Variants in JPH1 observed in about 807,000 individuals in gnomAD.
JPH1 encodes junctophilin 1.
A neutral mutation model predicts 53.6 loss-of-function variants in JPH1; 12 were observed. That is an observed-to-expected ratio of 0.22 (90% confidence interval 0.14 to 0.36). JPH1 has a LOEUF of 0.36. Ranked by LOEUF, JPH1 falls within the 10% of genes least tolerant of loss-of-function variation. The pLI is 1.00. For synonymous variants in JPH1, 375 were observed against 363.8 expected, an observed-to-expected ratio of 1.03 and a Z score of -0.35; for missense variants, 808 against 905.5, an observed-to-expected ratio of 0.89 and a Z score of 1.38.
chr8:74,271,254 C>A (rs1367782616), intron 2 of JPH1, among the ~76,000 whole-genome samples: 1 of 151,964 alleles, frequency 6.6e-6, no homozygotes, highest in African/African-American at 2.4e-5. Context: ...ACCAACACCC[C>A]AGGCCCACCC....
intron 1 of JPH1, among the ~76,000 whole-genome samples, chr8:74,318,935 T>C (rs1808237938): frequency 6.6e-6 from 1 of 152,204 alleles, no homozygotes; most frequent in African/African-American, 2.4e-5. Context: ...TCTATTAGCA[T>C]AGAGTAGACA....
chr8:74,320,764 C>T lies in JPH1; in HGVS notation c.379+145G>A. 3.0e-6 allele frequency: 3 copies of T among 998,330 alleles called. No individual in the cohort carries two copies. The highest frequency in any genetic ancestry group is 4.1e-6 in the Non-Finnish European group (3 of 731,632). 61.8% of individuals were successfully genotyped at this position (998,330 alleles called of 1,614,324 possible). ...GCGCCCTCTCTGGGAAAGGCGGGCG[C>T]GGGCGCGGGGGTGGGAGGCGCCCCC... On this transcript the variant is annotated intron_variant, in intron 1 of 5. Coordinates refer to ENST00000342232, the MANE Select transcript of JPH1 (RefSeq NM_020647.4). This position sits in a 1 kb window ranked among gnomAD's most constrained non-coding sequence, Gnocchi z 4.4.
Position 74,236,195 on chromosome 8 carries a change from G to A in JPH1, c.*856C>T, listed in dbSNP as rs1241324456. On this transcript the variant is annotated 3_prime_UTR_variant, in exon 6 of 6. Transcript: ENST00000342232. ...AAATTAGTTCTTAGGAAGGCATAGT[G>A]TCTTCAAATTGCTAAATTTTAAAGA... is the stretch of plus-strand genomic sequence containing the variant. The A allele has an allele frequency of 6.6e-6, 1 of 152,134 alleles. No individual in the cohort carries two copies. Among genetic ancestry groups the A allele is most frequent in the Non-Finnish European group, 1.5e-5 (1 of 68,022 alleles). The allele number at this position is 152,134 out of a possible 1,614,324, so 9.4% of individuals were successfully genotyped here. A position where few individuals can be genotyped will look rare whatever the true frequency, so the allele number is the denominator to read the frequency against.
intron 4 of JPH1, among the ~76,000 whole-genome samples, chr8:74,239,631 A>C (rs1435549478): frequency 1.3e-5 from 2 of 152,206 alleles, no homozygotes; most frequent in African/African-American, 4.8e-5. Context: ...AACTGAGCAC[A>C]GAGATTAAGG....
intron 3 of JPH1, among the ~76,000 whole-genome samples, chr8:74,248,505 A>G (rs1193487383): frequency 6.6e-6 from 1 of 152,198 alleles, no homozygotes; most frequent in Non-Finnish European, 1.5e-5. Flanking sequence ...GGTTATAGGC[A>G]TTTGACACTA....
Position 74,236,983 on chromosome 8 carries a change from G to A in JPH1, c.*68C>T, listed in dbSNP as rs560377820. The A allele has an allele frequency of 1.3e-5, 5 of 393,852 alleles. No individual in the cohort carries two copies. The South Asian group carries it at 1.4e-4, about 11-fold the overall frequency. The allele number at this position is 393,852 out of a possible 1,614,324, so 24.4% of individuals were successfully genotyped here. A position where few individuals can be genotyped will look rare whatever the true frequency, so the allele number is the denominator to read the frequency against. On this transcript the variant is annotated 3_prime_UTR_variant, in exon 6 of 6. Transcript: ENST00000342232. ...GGGGTGGGCCATTTAAAGGGCTGAC[G>A]GCACCACTGCAGAGAACTGTGGGCT...
At chr8:74,269,039 C>G (rs557055191) in intron 2 of JPH1, among the ~76,000 whole-genome samples, 1 of 152,198 alleles carries the variant, frequency 6.6e-6, no homozygotes, top group African/African-American at 2.4e-5. Context: ...TAGAACTCCT[C>G]CTTGAACTCA....
chr8:74,321,405 C>T lies in JPH1; in HGVS notation c.-118G>A. 1.9e-6 allele frequency: 2 copies of T among 1,025,982 alleles called. No homozygotes were observed. The highest frequency in any genetic ancestry group is 2.6e-6 in the Non-Finnish European group (2 of 765,990). 63.6% of individuals were successfully genotyped at this position (1,025,982 alleles called of 1,614,324 possible). A position where few individuals can be genotyped will look rare whatever the true frequency, so the allele number is the denominator to read the frequency against. ...GGCGAGCTCACGACAGCGCCCTGGG[C>T]AGCTCGCGCTGCCGCTCGGCTCCAG... On this transcript the variant is annotated 5_prime_UTR_variant, in exon 1 of 6. Transcript: ENST00000342232. This position sits in a 1 kb window ranked among gnomAD's most constrained non-coding sequence, Gnocchi z 4.3.
At chr8:74,287,144 CA>C (rs1807185834) in intron 2 of JPH1, among the ~76,000 whole-genome samples, 1 of 152,088 alleles carries the variant, frequency 6.6e-6, no homozygotes, top group Non-Finnish European at 1.5e-5. Flanking sequence ...AGAATTACTG[CA>C]AGTTGGCTGG....
rs559816204 is a variant in JPH1, at chr8:74,244,780, C to T, written c.1654G>A (p.Gly552Ser). Residue 552 changes from glycine to serine, a missense_variant, in exon 4 of 6, where the codon GGC becomes AGC. Physicochemically the swap from Gly to Ser is moderately conservative, Grantham distance 56. Around this residue, in one of 2 missense-constraint regions of JPH1, gnomAD observed 756 missense variants for 811.9 expected, o/e 0.93. Transcript: ENST00000342232. ...GGGGCGTTCAGCTTCACGTAGTAGC[C>T]GTGATACTGAGAATGCAGCTCCCCG... Reference protein sequence around the residue: ...SNGELHSQYHGYYVKLNAPQH... With the variant: ...SNGELHSQYHSYYVKLNAPQH... 1.5e-5 allele frequency: 24 copies of T among 1,614,004 alleles called. No homozygotes were observed. The highest frequency in any genetic ancestry group is 4.0e-5 in the African/African-American group (3 of 74,894).
chr8:74,254,715 T>A (rs916467585), intron 3 of JPH1, among the ~76,000 whole-genome samples: 13 of 152,248 alleles, frequency 8.5e-5, no homozygotes, highest in African/African-American at 3.1e-4. Flanking sequence ...ACAAAATCAA[T>A]GTACAAAAAT....
At chr8:74,237,326 TA>T (rs777080211) in intron 4 of JPH1, 23 bp from the exon 5 acceptor site, 12 of 1,545,218 alleles carry the variant, frequency 7.8e-6, no homozygotes, top group South Asian at 7.0e-5. Flanking sequence ...GAGAACAAAG[TA>T]ACTATAACTT....
intron 3 of JPH1, among the ~76,000 whole-genome samples, chr8:74,253,423 G>A (rs1036126543): frequency 3.3e-5 from 5 of 152,058 alleles, no homozygotes; most frequent in African/African-American, 1.2e-4. Flanking sequence ...AGCACTAAAT[G>A]CCCACAAGAG....
chr8:74,272,736 T>TG (rs1806740137), intron 2 of JPH1, among the ~76,000 whole-genome samples: 1 of 151,906 alleles, frequency 6.6e-6, no homozygotes, highest in African/African-American at 2.4e-5. Flanking sequence ...CCCGTGTAGC[T>TG]GGGACTACAG....
chr8:74,256,964 A>G (rs185348907), intron 3 of JPH1, among the ~76,000 whole-genome samples: 9 of 152,332 alleles, frequency 5.9e-5, no homozygotes, highest in African/African-American at 1.9e-4. Flanking sequence ...TATATCTGAG[A>G]TATGTAAATT....
chr8:74,242,314 G>A (rs779444823), intron 4 of JPH1, among the ~76,000 whole-genome samples: 5 of 152,100 alleles, frequency 3.3e-5, no homozygotes, highest in African/African-American at 9.7e-5. Flanking sequence ...TTTATTCTGC[G>A]CTAGGCACTA....
Position 74,300,259 on chromosome 8 carries a change from C to T in JPH1, c.1139+14602G>A, listed in dbSNP as rs999406671. 7.2e-5 allele frequency among the ~76,000 whole-genome samples: 11 copies of T among 152,330 alleles called. 1 individual carries two copies. The highest frequency in any genetic ancestry group is 4.1e-4 in the South Asian group (2 of 4,826). On this transcript the variant is annotated intron_variant, in intron 2 of 5. Transcript: ENST00000342232. ...ATTCCTAGAAGACTAGCCATTTTGA[C>T]GTTTATATAAACTATGAAACCTTCA...
In JPH1 at chr8:74,244,651, C is replaced by T; in HGVS notation, c.1783G>A (p.Val595Met). 1.2e-6 allele frequency: 2 copies of T among 1,614,208 alleles called. No homozygotes were observed. The highest frequency in any genetic ancestry group is 1.7e-6 in the Non-Finnish European group (2 of 1,180,042). Residue 595 changes from valine (V) to methionine (M), a missense_variant, in exon 4 of 6, where the codon GTG becomes ATG. By Grantham distance (21) the Val-to-Met change is conservative (BLOSUM62 1). Transcript: ENST00000342232. ...SANKWSPSKS[V>M]TKPVAKESKA... ...CTTTCTTTGGCAACTGGTTTTGTCA[C>T]AGATTTGGAGGGACTCCACTTGTTA...
Position 74,295,974 on chromosome 8 carries a change from A to G in JPH1, c.1139+18887T>C, listed in dbSNP as rs186068259. 3.4e-5 allele frequency among the ~76,000 whole-genome samples: 5 copies of G among 147,394 alleles called. No homozygotes were observed. The East Asian group carries it at 1.0e-3, about 30-fold the overall frequency. ...GGACTTTCAGTTACGAATAATCACC[A>G]TTTCCACGAAAGGGAACAACCTGGT... On this transcript the variant is annotated intron_variant, in intron 2 of 5. Coordinates refer to ENST00000342232, the MANE Select transcript of JPH1 (RefSeq NM_020647.4).
Sources: gnomAD v4.1 joint callset for allele counts (sites outside exome capture counted in the v4.1 genomes callset) on GRCh38, gnomAD v4.1.1 for gene constraint, gnomAD v4.1.1 regional missense constraint, Gnocchi (gnomAD v3.1) non-coding constraint, MANE v1.5 for transcripts, NCBI Gene and HGNC (gene_info 2026-07-23, HGNC 2026-07-21) for gene names.